SLC27A6: variants seen among roughly 807,000 people sequenced by gnomAD.
SLC27A6 encodes solute carrier family 27 member 6.
In SLC27A6, 74 loss-of-function variants were observed where a neutral mutation model predicts 63.9. That is an observed-to-expected ratio of 1.16 (90% confidence interval 0.96 to 1.40). The LOEUF is 1.40. Among genes scored for constraint, SLC27A6 ranks in the 40% most tolerant of loss-of-function variants. The probability of loss-of-function intolerance (pLI) is 0.00; values close to 1 mark genes in which losing one functional copy is unlikely to be tolerated. For missense variants in SLC27A6, 794 were observed against 732.9 expected (o/e 1.08, Z -0.96); for synonymous variants, 287 against 260.8 (o/e 1.10, Z -0.97).
intron 9 of SLC27A6, among the ~76,000 whole-genome samples, chr5:129,032,419 G>A (rs367791789): frequency 6.6e-6 from 1 of 152,116 alleles, no homozygotes; most frequent in African/African-American, 2.4e-5. Context: ...ATTTTTGGCT[G>A]TACTTGCTTT....
chr5:129,008,396 A>C (rs867250366), intron 4 of SLC27A6, among the ~76,000 whole-genome samples: 4 of 152,216 alleles, frequency 2.6e-5, no homozygotes, highest in Middle Eastern at 3.2e-3. Context: ...TAGCCCACAC[A>C]AGTTAAAGCC....
intron 2 of SLC27A6, among the ~76,000 whole-genome samples, chr5:128,986,686 C>T (rs1205805051): frequency 2.0e-5 from 3 of 152,032 alleles, no homozygotes; most frequent in Non-Finnish European, 4.4e-5. Context: ...TTCAGGCTAC[C>T]TAATCAGGTC....
chr5:129,025,589 G>C (rs1397740607), intron 6 of SLC27A6, among the ~76,000 whole-genome samples: 1 of 151,972 alleles, frequency 6.6e-6, no homozygotes, highest in Non-Finnish European at 1.5e-5. Context: ...AGAATTAAAT[G>C]GATTACATAT....
chr5:128,969,605 A>C (rs1750056874), intron 1 of SLC27A6, among the ~76,000 whole-genome samples: 1 of 152,190 alleles, frequency 6.6e-6, no homozygotes, highest in South Asian at 2.1e-4. Context: ...TGATTTTTGC[A>C]CATTGATTTT....
chr5:129,001,801 A>G (rs1362763368), intron 4 of SLC27A6, among the ~76,000 whole-genome samples: 1 of 152,222 alleles, frequency 6.6e-6, no homozygotes, highest in Non-Finnish European at 1.5e-5. Context: ...CAGCCTGAGT[A>G]TGTTAGAGAT....
chr5:129,022,930 T>C (rs1752123391), intron 5 of SLC27A6, among the ~76,000 whole-genome samples: 1 of 151,982 alleles, frequency 6.6e-6, no homozygotes, highest in Non-Finnish European at 1.5e-5. Flanking sequence ...TGTGATAATA[T>C]GGACATGATA....
intron 4 of SLC27A6, among the ~76,000 whole-genome samples, chr5:129,010,874 G>C (rs1413064438): frequency 6.6e-6 from 1 of 152,136 alleles, no homozygotes; most frequent in Non-Finnish European, 1.5e-5. Context: ...TGTGAGTCCT[G>C]AATCACACAA....
intron 1 of SLC27A6, among the ~76,000 whole-genome samples, chr5:128,967,532 T>C (rs1749951760): frequency 6.6e-6 from 1 of 152,148 alleles, no homozygotes; most frequent in Admixed American, 6.5e-5. Flanking sequence ...TTGTATAAAG[T>C]TTTTAAACTC....
chr5:128,985,126 CT>C lies in SLC27A6; in HGVS notation c.482-3del. On this transcript the variant is annotated splice_region_variant and splice_polypyrimidine_tract_variant and intron_variant, in intron 1 of 9. Coordinates refer to ENST00000262462, the MANE Select transcript of SLC27A6 (RefSeq NM_001017372.3). ...TGCTTAACTCTTCCCAACCCTTTGG[CT>C]TTTAGATTTGCTTGGAACGGTAGAA... 2 of 1,610,752 alleles carry C rather than the reference CT, an allele frequency of 1.2e-6. No individual in the cohort carries two copies. Among genetic ancestry groups the C allele is most frequent in the Non-Finnish European group, 1.7e-6 (2 of 1,178,104 alleles).
chr5:129,029,606 A>G lies in SLC27A6; in HGVS notation c.1582A>G (p.Ile528Val), dbSNP rs778742697. The G allele has an allele frequency of 3.1e-6, 5 of 1,588,342 alleles. No individual in the cohort carries two copies. The highest frequency in any genetic ancestry group is 2.3e-5 in the East Asian group (1 of 44,432). ...GYEGRAGMAS[I>V]ILKPNTSLDL... is the part of the protein sequence containing the mutation. ...TGAAGGAAGAGCAGGAATGGCTTCT[A>G]TTATTTTAAAACCAAATACATCTTT... The change falls in exon 9 of 10, where the codon ATT becomes GTT. Residue 528 changes from isoleucine to valine, a missense_variant. By Grantham distance (29) the Ile-to-Val change is conservative. Coordinates refer to ENST00000262462, the MANE Select transcript of SLC27A6 (RefSeq NM_001017372.3).
At chr5:128,970,160 G>T (rs1156816569) in intron 1 of SLC27A6, among the ~76,000 whole-genome samples, 1 of 150,630 alleles carries the variant, frequency 6.6e-6, no homozygotes, top group African/African-American at 2.4e-5. Context: ...GCTGGATTTG[G>T]TTTGCCAGTA....
At chr5:128,975,101 A>C (rs1280957704) in intron 1 of SLC27A6, among the ~76,000 whole-genome samples, 1 of 152,214 alleles carries the variant, frequency 6.6e-6, no homozygotes, top group Non-Finnish European at 1.5e-5. Flanking sequence ...CTGTAATCCC[A>C]GCACTTTGGG....
At chr5:129,007,783 G>T in intron 4 of SLC27A6, among the ~76,000 whole-genome samples, 1 of 151,918 alleles carries the variant, frequency 6.6e-6, no homozygotes, top group East Asian at 1.9e-4. Flanking sequence ...GTCCTAATGA[G>T]ATGCAAAAAT....
At chr5:128,985,576 A>C (rs543624983) in intron 2 of SLC27A6, among the ~76,000 whole-genome samples, 1 of 152,196 alleles carries the variant, frequency 6.6e-6, no homozygotes, top group African/African-American at 2.4e-5. Flanking sequence ...ATTTTCTTAA[A>C]GTTTGGTAGT....
chr5:128,975,844 TCAA>T (rs1750358166), intron 1 of SLC27A6, among the ~76,000 whole-genome samples: 2 of 152,142 alleles, frequency 1.3e-5, no homozygotes. Flanking sequence ...AAATACATGT[TCAA>T]CAGATATTAT....
intron 4 of SLC27A6, among the ~76,000 whole-genome samples, chr5:129,002,899 T>G (rs1370646812): frequency 6.6e-6 from 1 of 152,148 alleles, no homozygotes; most frequent in Non-Finnish European, 1.5e-5. Flanking sequence ...CCCACATGGG[T>G]TTTGCTGCTG....
At chr5:129,005,675 T>G (rs1751498038) in intron 4 of SLC27A6, among the ~76,000 whole-genome samples, 1 of 135,568 alleles carries the variant, frequency 7.4e-6, no homozygotes, top group Non-Finnish European at 1.5e-5. Flanking sequence ...TGCAGTGGCC[T>G]GATCTCGGCT....
chr5:128,970,615 C>G (rs1240760843), intron 1 of SLC27A6, among the ~76,000 whole-genome samples: 1 of 152,028 alleles, frequency 6.6e-6, no homozygotes, highest in Non-Finnish European at 1.5e-5. Context: ...TCCCCTTTAT[C>G]ATTTTTTATT....
chr5:128,988,787 T>C (rs201218019), intron 3 of SLC27A6, 29 bp downstream of exon 3: 1 of 1,560,116 alleles, frequency 6.4e-7, no homozygotes, highest in African/African-American at 1.4e-5. Flanking sequence ...TTTGATAAGT[T>C]TTCAAAATGT....
Sources: gnomAD v4.1 joint callset for allele counts (sites outside exome capture counted in the v4.1 genomes callset) on GRCh38, gnomAD v4.1.1 for gene constraint, MANE v1.5 for transcripts, NCBI Gene and HGNC (gene_info 2026-07-23, HGNC 2026-07-21) for gene names.